The following UNC13C variants were observed in gnomAD, a reference collection of about 807,000 sequenced individuals.
UNC13C encodes the protein protein unc-13 homolog C.
In UNC13C, 174 loss-of-function variants were observed where a neutral mutation model predicts 245.4. The observed-to-expected ratio is 0.71, with a 90% CI of 0.63 to 0.80. UNC13C has a LOEUF of 0.80. UNC13C is among the 30% of genes least tolerant of loss of function. The pLI is 0.00. For synonymous variants in UNC13C, 992 were observed against 895.1 expected, an observed-to-expected ratio of 1.11 and a Z score of -1.93; for missense variants, 2,829 against 2,602.9, an observed-to-expected ratio of 1.09 and a Z score of -1.89.
At chr15:54,322,650 A>C (rs2038193046) in intron 14 of UNC13C, among the ~76,000 whole-genome samples, 1 of 151,994 alleles carries the variant, frequency 6.6e-6, no homozygotes, top group African/African-American at 2.4e-5. Context: ...GAAAAGTAGA[A>C]ATTCAGGGAA....
chr15:54,416,816 G>C, intron 19 of UNC13C: 1 of 436,882 alleles, frequency 2.3e-6, no homozygotes, highest in South Asian at 1.7e-5. Flanking sequence ...GCAGTTATTG[G>C]TGCCACCATT....
Position 54,415,030 on chromosome 15 carries a change from G to A in UNC13C, c.4896G>A (p.Trp1632Ter), listed in dbSNP as rs761431064. ...GAAAAATAAGTGCCGAAATTATGTG[G>A]ACTCTTTTTGCTCTGGATATGAAAT... ...NMGKISAEIM[W>*]TLFALDMKYA... is the part of the protein sequence containing the mutation. Residue 1632 changes from tryptophan to a stop codon, truncating the protein, a stop_gained, in exon 19 of 33, where the codon TGG (tryptophan) becomes TGA (stop). Transcript: ENST00000260323. LOFTEE classifies it high-confidence loss of function. The A allele has an allele frequency of 3.1e-6, 5 of 1,612,640 alleles. No homozygotes were observed. Among genetic ancestry groups the A allele is most frequent in the Non-Finnish European group, 4.2e-6 (5 of 1,179,358 alleles).
the UNC13C span, among the ~76,000 whole-genome samples, chr15:53,841,295 C>G: frequency 1.3e-5 from 2 of 152,156 alleles, no homozygotes; most frequent in African/African-American, 4.8e-5. Context: ...AGAGTCTCTG[C>G]TTTCCCCCCT....
At chr15:54,272,077 C>A (rs560761231) in intron 10 of UNC13C, among the ~76,000 whole-genome samples, 1 of 152,324 alleles carries the variant, frequency 6.6e-6, no homozygotes, top group East Asian at 1.9e-4. Flanking sequence ...CTGGACCAAT[C>A]CTTAACCTCT....
At chr15:53,845,644 A>G in the UNC13C span, among the ~76,000 whole-genome samples, 1 of 152,206 alleles carries the variant, frequency 6.6e-6, no homozygotes, top group African/African-American at 2.4e-5. Flanking sequence ...ATAACTACTT[A>G]TTAATTATGT....
intron 8 of UNC13C, among the ~76,000 whole-genome samples, chr15:54,251,348 C>A (rs1247011346): frequency 6.6e-6 from 1 of 152,096 alleles, no homozygotes; most frequent in East Asian, 1.9e-4. Context: ...TTTTTCTCCA[C>A]TCTATGGGCA....
intron 4 of UNC13C, among the ~76,000 whole-genome samples, chr15:54,202,716 A>G (rs750879571): frequency 1.3e-5 from 2 of 152,110 alleles, no homozygotes; most frequent in Non-Finnish European, 2.9e-5. Flanking sequence ...TAAAGATTCT[A>G]GAAGATAACA....
At chr15:54,616,663 G>T (rs923303106) in intron 30 of UNC13C, among the ~76,000 whole-genome samples, 11 of 152,024 alleles carry the variant, frequency 7.2e-5, no homozygotes, top group African/African-American at 2.7e-4. Flanking sequence ...TGAGCTATGT[G>T]TTACTATGAA....
intron 29 of UNC13C, among the ~76,000 whole-genome samples, chr15:54,561,038 C>A (rs992485899): frequency 3.3e-5 from 5 of 151,962 alleles, no homozygotes; most frequent in East Asian, 1.9e-4. Flanking sequence ...TCCCAATAAA[C>A]CCTTAATTCC....
intron 2 of UNC13C, among the ~76,000 whole-genome samples, chr15:54,131,110 G>A (rs895818033): frequency 6.6e-6 from 1 of 152,110 alleles, no homozygotes; most frequent in Non-Finnish European, 1.5e-5. Flanking sequence ...TGTAATAATT[G>A]GGAGATTATG....
chr15:54,172,413 C>A (rs1274008532), intron 4 of UNC13C, among the ~76,000 whole-genome samples: 1 of 151,428 alleles, frequency 6.6e-6, no homozygotes, highest in Admixed American at 6.6e-5. Context: ...TTTAAATTGC[C>A]TGTTCTTGAA....
At chr15:54,179,300 AAAT>A (rs1282427624) in intron 4 of UNC13C, among the ~76,000 whole-genome samples, 1 of 152,178 alleles carries the variant, frequency 6.6e-6, no homozygotes, top group Non-Finnish European at 1.5e-5. Flanking sequence ...AAAAGAAACA[AAAT>A]AAGCAGACTA....
intron 19 of UNC13C, among the ~76,000 whole-genome samples, chr15:54,426,930 A>C (rs2040771556): frequency 6.6e-6 from 1 of 151,818 alleles, no homozygotes; most frequent in Non-Finnish European, 1.5e-5. Context: ...GATGATGATC[A>C]TCAGTCTTCA....
chr15:54,013,026 T>A lies in UNC13C; in HGVS notation c.123T>A (p.Asp41Glu). 6.2e-7 allele frequency: 1 copy of A among 1,613,798 alleles called. No individual in the cohort carries two copies. Among genetic ancestry groups the A allele is most frequent in the Non-Finnish European group, 8.5e-7 (1 of 1,179,816 alleles). The change falls in exon 2 of 33, where the codon GAT becomes GAA. Residue 41 changes from aspartate to glutamate, a missense_variant. Transcript: ENST00000260323. ...AAGAGTATCGTCAGCAGAAAAAGGA[T>A]CAAGACTTCCCCACTGCTGGCCAGA... is the stretch of plus-strand genomic sequence containing the variant. ...KNKEYRQQKKDQDFPTAGQTK... is the reference protein window; with the variant it reads ...KNKEYRQQKKEQDFPTAGQTK...
intron 30 of UNC13C, among the ~76,000 whole-genome samples, chr15:54,606,389 A>G (rs2681962): frequency 0.92 from 140,037 of 152,298 alleles, 64,487 homozygotes; most frequent in African/African-American, 0.98. Flanking sequence ...TTCCATATTT[A>G]ATCAGTAGAT....
At chr15:54,189,392 A>G (rs991928602) in intron 4 of UNC13C, among the ~76,000 whole-genome samples, 11 of 152,140 alleles carry the variant, frequency 7.2e-5, no homozygotes, top group African/African-American at 2.7e-4. Flanking sequence ...ATTTATTTTA[A>G]TAGTTCTTCC....
rs79118320 is a variant in UNC13C at position 54,066,585 on chromosome 15, C to G, written c.2983+50699C>G. Reference sequence around the variant, plus strand: ...TGGCCACAGGGCTCTAGAGAGCACTCCTCCGTTGAGGAAATGGAGACCCAC... The same window carrying G: ...TGGCCACAGGGCTCTAGAGAGCACTGCTCCGTTGAGGAAATGGAGACCCAC... On this transcript the variant is annotated intron_variant, in intron 2 of 32. Coordinates refer to ENST00000260323, the MANE Select transcript of UNC13C (RefSeq NM_001080534.3). Among the ~76,000 whole-genome samples the G allele has an allele frequency of 8.1e-3, 1,236 of 152,302 alleles. 24 individuals are homozygous for G. The highest frequency in any genetic ancestry group is 0.028 in the African/African-American group (1,167 of 41,554).
At chr15:53,862,979 A>G in the UNC13C span, among the ~76,000 whole-genome samples, 2 of 152,138 alleles carry the variant, frequency 1.3e-5, no homozygotes, top group Non-Finnish European at 1.5e-5. Context: ...CATCAACTCT[A>G]AAGTCCAAAG....
chr15:54,268,561 T>C (rs1403691068), intron 10 of UNC13C, among the ~76,000 whole-genome samples: 2 of 152,176 alleles, frequency 1.3e-5, no homozygotes, highest in East Asian at 1.9e-4. Context: ...ATAGGTATTA[T>C]TGAGCTTAGT....
Sources: gnomAD v4.1 joint callset for allele counts (sites outside exome capture counted in the v4.1 genomes callset) on GRCh38, gnomAD v4.1.1 for gene constraint, MANE v1.5 for transcripts, NCBI Gene and HGNC (gene_info 2026-07-23, HGNC 2026-07-21) for gene names.